TMEM225B: variants seen among roughly 807,000 people sequenced by gnomAD.
The protein encoded by TMEM225B is transmembrane protein 225-like.
TMEM225B carries 10 observed loss-of-function variants against 16.9 expected under a neutral mutation model. That is an observed-to-expected ratio of 0.59 (90% CI 0.36 to 1.00). The LOEUF is 1.00. Ranked by LOEUF, TMEM225B falls within the 50% of genes least tolerant of loss-of-function variation. The pLI, the probability that TMEM225B is intolerant of heterozygous loss-of-function variation, is 0.01. For missense variants in TMEM225B, 217 were observed against 267.0 expected (o/e 0.81, Z 1.30); for synonymous variants, 92 against 109.8 (o/e 0.84, Z 1.01).
At chr7:99,608,547 C>CTT (rs542884054) in intron 5 of TMEM225B, among the ~76,000 whole-genome samples, 2,242 of 128,812 alleles carry the variant, frequency 0.017, 82 homozygotes, top group African/African-American at 0.064. Flanking sequence ...CTGTCTCTAC[C>CTT]TTTTTTTTTT....
intron 5 of TMEM225B, among the ~76,000 whole-genome samples, chr7:99,608,762 CACAT>C (rs1462822768): frequency 3.5e-5 from 5 of 142,308 alleles, no homozygotes; most frequent in Admixed American, 7.0e-5. Context: ...CACACACACA[CACAT>C]ATTTATATAT....
At chr7:99,607,602 AG>A (rs1805926000) in intron 4 of TMEM225B, 70 bp from the exon 5 acceptor site, 2 of 1,447,308 alleles carry the variant, frequency 1.4e-6, no homozygotes, top group South Asian at 2.8e-5. Flanking sequence ...CAGGAGCCAC[AG>A]GGGGTGAAGT....
chr7:99,604,011 T>G (rs1294848855), intron 2 of TMEM225B, among the ~76,000 whole-genome samples: 1 of 152,094 alleles, frequency 6.6e-6, no homozygotes, highest in African/African-American at 2.4e-5. Flanking sequence ...TGTCTCAGCC[T>G]CCTAAAGTAG....
At chr7:99,605,510 C>T (rs537485999) in intron 3 of TMEM225B, 2 of 145,226 alleles carry the variant, frequency 1.4e-5, no homozygotes, top group Non-Finnish European at 3.0e-5. Context: ...CTCACTGCAG[C>T]CTCCAACTCT....
At position 99,607,830 on chromosome 7, in the gene TMEM225B, T is replaced by G. The variant is rs1805956884; in HGVS notation, c.493+20T>G. 3 of 1,533,228 alleles carry G rather than the reference T, an allele frequency of 2.0e-6. No homozygotes were observed. The highest frequency in any genetic ancestry group is 2.6e-6 in the Non-Finnish European group (3 of 1,145,592). The allele number at this position is 1,533,228 out of a possible 1,614,324, so 95.0% of individuals were successfully genotyped here. ...TGGCTGGTGAGTGTCCAGGGAACAGTGCCCTGCTTCTTGTCCTCGGTCTGG... is the reference window on the plus strand; with the variant it reads ...TGGCTGGTGAGTGTCCAGGGAACAGGGCCCTGCTTCTTGTCCTCGGTCTGG... On this transcript the variant is annotated intron_variant, in intron 5 of 5. Transcript: ENST00000431679.
chr7:99,610,549 CAGAAACAG>C lies in TMEM225B; in HGVS notation c.651_658del (p.Glu218HisfsTer36), dbSNP rs767804288. 2.2e-5 allele frequency: 34 copies of C among 1,536,038 alleles called. No homozygotes were observed. In the South Asian group the frequency reaches 4.0e-4, roughly 18 times the overall value. On this transcript the variant is annotated frameshift_variant, in exon 6 of 6. Coordinates refer to ENST00000431679, the MANE Select transcript of TMEM225B (RefSeq NM_001195541.3). LOFTEE classifies it high-confidence loss of function. ...GTACAAAAGGAGACACAGGTGACAGCAGAAACAGTCATCTAGCCCAGGACATGGCTTCT... is the reference window on the plus strand; with the variant it reads ...GTACAAAAGGAGACACAGGTGACAGCTCATCTAGCCCAGGACATGGCTTCT...
chr7:99,598,577 G>A (rs1195782212), intron 1 of TMEM225B, among the ~76,000 whole-genome samples, 196 bp downstream of exon 1: 2 of 152,192 alleles, frequency 1.3e-5, no homozygotes, highest in African/African-American at 4.8e-5. Context: ...TATCCCTATG[G>A]CTTTGGGGCC....
rs61226032 is a variant in TMEM225B, at chr7:99,601,407, C to T, written c.-4+1122C>T. On this transcript the variant is annotated intron_variant, in intron 2 of 5. Transcript: ENST00000431679. ...CAGGAGTTTAAGACACCCTGGGCAA[C>T]ATAGTTAGACCCCTGTCTCTACAAA... is the stretch of plus-strand genomic sequence containing the variant. Among the ~76,000 whole-genome samples the T allele has an allele frequency of 4.0e-3, 615 of 152,218 alleles. 5 individuals are homozygous for T. Among genetic ancestry groups the T allele is most frequent in the African/African-American group, 0.014 (578 of 41,520 alleles).
Position 99,606,905 on chromosome 7 carries a change from G to A in TMEM225B, c.355+11G>A, listed in dbSNP as rs1411507899. The A allele has an allele frequency of 6.5e-7, 1 of 1,536,098 alleles. No homozygotes were observed. Among genetic ancestry groups the A allele is most frequent in the Non-Finnish European group, 8.7e-7 (1 of 1,146,868 alleles). On this transcript the variant is annotated intron_variant, in intron 4 of 5. Transcript: ENST00000431679. ...TCAGCTTCTTCACAGGTGTGGAACA[G>A]CTAGGTGATCCCTGACCTTCGCTAG...
rs1039533722 is a variant in TMEM225B, at chr7:99,600,199, C to G, written c.-84-6C>G. On this transcript the variant is annotated splice_polypyrimidine_tract_variant and splice_region_variant and intron_variant, in intron 1 of 5. Coordinates refer to ENST00000431679, the MANE Select transcript of TMEM225B (RefSeq NM_001195541.3). Reference sequence around the variant, plus strand: ...ACATGATGTGTTTCTGTGTCTCTCTCCCTAGCAGTTCCAAGAGCCTCTGAG... The same window carrying G: ...ACATGATGTGTTTCTGTGTCTCTCTGCCTAGCAGTTCCAAGAGCCTCTGAG... The G allele has an allele frequency of 4.3e-6, 3 of 702,970 alleles. No individual in the cohort carries two copies. Among genetic ancestry groups the G allele is most frequent in the South Asian group, 3.0e-5 (2 of 67,590 alleles). The allele number at this position is 702,970 out of a possible 1,614,324, so 43.5% of individuals were successfully genotyped here. A position where few individuals can be genotyped will look rare whatever the true frequency, so the allele number is the denominator to read the frequency against.
chr7:99,600,420 A>G (rs952424532), intron 2 of TMEM225B, 135 bp downstream of exon 2: 6 of 646,286 alleles, frequency 9.3e-6, no homozygotes, highest in Non-Finnish European at 1.1e-5. Context: ...GCCCCCAGGA[A>G]GGAACCCAGG....
chr7:99,608,839 G>GTA (rs72285430), intron 5 of TMEM225B, among the ~76,000 whole-genome samples: 11,790 of 132,368 alleles, frequency 0.089, 711 homozygotes, highest in East Asian at 0.3. Flanking sequence ...GTGTGTGCAC[G>GTA]TATATATATA....
In TMEM225B at chr7:99,610,683, C is replaced by A; in HGVS notation, c.*118C>A. On this transcript the variant is annotated 3_prime_UTR_variant, in exon 6 of 6. Coordinates refer to ENST00000431679, the MANE Select transcript of TMEM225B (RefSeq NM_001195541.3). Reference sequence around the variant, plus strand: ...TGCCTTTGAGGAGCTTCTTGCGTGTCAGATCAACTCTCCACCTCCCCATAC... The same window carrying A: ...TGCCTTTGAGGAGCTTCTTGCGTGTAAGATCAACTCTCCACCTCCCCATAC... 1 of 774,406 alleles carries A rather than the reference C, an allele frequency of 1.3e-6. No individual in the cohort carries two copies. The highest frequency in any genetic ancestry group is 2.0e-6 in the Non-Finnish European group (1 of 495,548). 48.0% of individuals were successfully genotyped at this position (774,406 alleles called of 1,614,324 possible).
chr7:99,607,865 C>A, intron 5 of TMEM225B, 55 bp downstream of exon 5: 1 of 1,515,232 alleles, frequency 6.6e-7, no homozygotes, highest in African/African-American at 1.4e-5. Flanking sequence ...GATTTAGGAA[C>A]CTGTCTTGTG....
At chr7:99,604,021 G>C (rs1194172903) in intron 2 of TMEM225B, among the ~76,000 whole-genome samples, 1 of 152,062 alleles carries the variant, frequency 6.6e-6, no homozygotes, top group African/African-American at 2.4e-5. Flanking sequence ...TCCTAAAGTA[G>C]TGGGATTGCA....
At chr7:99,605,601 T>A (rs1805744676) in intron 3 of TMEM225B, 1 of 151,476 alleles carries the variant, frequency 6.6e-6, no homozygotes, top group Non-Finnish European at 1.5e-5. Flanking sequence ...GCTAATTTTT[T>A]AATTTTAGGT....
At chr7:99,604,985 G>A (rs148183772) in intron 3 of TMEM225B, among the ~76,000 whole-genome samples, 2 of 148,336 alleles carry the variant, frequency 1.3e-5, no homozygotes, top group African/African-American at 5.2e-5. Flanking sequence ...GTGAGAGTGA[G>A]GCCCTGTCTC....
At position 99,610,399 on chromosome 7, in the gene TMEM225B, T is replaced by A; in HGVS notation, c.500T>A (p.Ile167Asn). 1 of 1,535,442 alleles carries A rather than the reference T, an allele frequency of 6.5e-7. No homozygotes were observed. The highest frequency in any genetic ancestry group is 8.7e-7 in the Non-Finnish European group (1 of 1,146,884). ...GIFLFIVAGT[I>N]CLIQEMVCPC... ...AACGTTGGCTGTTCCCTAGGTACCA[T>A]CTGCCTCATTCAAGAAATGGTTTGC... Residue 167 changes from isoleucine (I) to asparagine (N), a missense_variant, in exon 6 of 6, where the codon ATC (isoleucine) becomes AAC (asparagine). Physicochemically the swap from Ile to Asn is moderately radical, Grantham distance 149. Transcript: ENST00000431679.
At position 99,604,445 on chromosome 7, in the gene TMEM225B, C is replaced by T; in HGVS notation, c.57C>T (p.Ala19=). ...GATTCTCCTGGGCCATAGTCCCAGC[C>T]TTAACCTCCCTAGGCTACCTGATTA... The part of the protein sequence containing the change: ...MKGFSWAIVP[A]LTSLGYLIIL... Residue 19 remains alanine, a synonymous_variant, in exon 3 of 6, where the codon GCC becomes GCT. Coordinates refer to ENST00000431679, the MANE Select transcript of TMEM225B (RefSeq NM_001195541.3). 3 of 1,536,124 alleles carry T rather than the reference C, an allele frequency of 2.0e-6. No homozygotes were observed. Among genetic ancestry groups the T allele is most frequent in the Non-Finnish European group, 2.6e-6 (3 of 1,146,910 alleles).
Sources: gnomAD v4.1 joint callset for allele counts (sites outside exome capture counted in the v4.1 genomes callset) on GRCh38, gnomAD v4.1.1 for gene constraint, MANE v1.5 for transcripts, NCBI Gene and HGNC (gene_info 2026-07-23, HGNC 2026-07-21) for gene names.